The following SMAD3 variants were observed in gnomAD, a reference collection of about 807,000 sequenced individuals.
SMAD3 encodes MAD homolog 3.
Under a neutral mutation model 51.8 loss-of-function variants are expected in SMAD3, and 12 were observed. The ratio of observed to expected loss-of-function variants is 0.23; its 90% CI spans 0.15 to 0.38. SMAD3 has a LOEUF of 0.38. SMAD3 is among the 10% of genes least tolerant of loss of function. The pLI, the probability that SMAD3 is intolerant of heterozygous loss-of-function variation, is 1.00. For missense variants in SMAD3, 294 were observed against 565.6 expected (o/e 0.52, Z 4.87); for synonymous variants, 238 against 227.7 (o/e 1.05, Z -0.41).
chr15:67,185,398 A>T (rs977308067), intron 7 of SMAD3, among the ~76,000 whole-genome samples: 6 of 152,146 alleles, frequency 3.9e-5, no homozygotes, highest in Non-Finnish European at 8.8e-5. Flanking sequence ...CGGATCCTGA[A>T]GGATAGGTAG....
At chr15:67,067,633 C>T (rs1462527911) in intron 1 of SMAD3, among the ~76,000 whole-genome samples, 1 of 152,210 alleles carries the variant, frequency 6.6e-6, no homozygotes, top group Non-Finnish European at 1.5e-5. Context: ...CACAAAGCAA[C>T]ATCTGTCCAC....
At chr15:67,128,628 G>A (rs1351291139) in intron 1 of SMAD3, among the ~76,000 whole-genome samples, 1 of 152,104 alleles carries the variant, frequency 6.6e-6, no homozygotes, top group Non-Finnish European at 1.5e-5. Context: ...CTGGAGTGCA[G>A]TGGTATGATC....
In SMAD3 at chr15:67,164,969, G is replaced by T. The variant is rs1057518977; in HGVS notation, c.281G>T (p.Trp94Leu). ...PHVIYCRLWR[W>L]PDLHSHHELR... ...GTCATCTACTGCCGCCTGTGGCGATGGCCAGACCTGCACAGCCACCACGAG... is the reference window on the plus strand; with the variant it reads ...GTCATCTACTGCCGCCTGTGGCGATTGCCAGACCTGCACAGCCACCACGAG... Residue 94 changes from tryptophan to leucine, a missense_variant, in exon 2 of 9, where the codon TGG becomes TTG. Coordinates refer to ENST00000327367, the MANE Select transcript of SMAD3 (RefSeq NM_005902.4). 6.2e-7 allele frequency: 1 copy of T among 1,613,968 alleles called. No homozygotes were observed. The highest frequency in any genetic ancestry group is 8.5e-7 in the Non-Finnish European group (1 of 1,180,038).
At chr15:67,126,004 G>A in intron 1 of SMAD3, 1 of 984,710 alleles carries the variant, frequency 1.0e-6, no homozygotes, top group Admixed American at 6.1e-5. Context: ...ATCTTATTTG[G>A]CAGGGTGGGT....
chr15:67,129,767 A>G (rs918837067), intron 1 of SMAD3, among the ~76,000 whole-genome samples: 3 of 152,244 alleles, frequency 2.0e-5, no homozygotes, highest in African/African-American at 7.2e-5. Flanking sequence ...ACTTTAGCAT[A>G]TACTCAAATA....
chr15:67,079,460 C>T (rs1245834935), intron 1 of SMAD3, among the ~76,000 whole-genome samples: 1 of 152,098 alleles, frequency 6.6e-6, no homozygotes. Flanking sequence ...GCTCTGGTGC[C>T]TTGTACTAGA....
At chr15:67,148,955 A>G (rs1409215243) in intron 1 of SMAD3, among the ~76,000 whole-genome samples, 4 of 152,170 alleles carry the variant, frequency 2.6e-5, no homozygotes, top group Non-Finnish European at 5.9e-5. Flanking sequence ...CACAGTTGGG[A>G]AGGGAAGTCA....
chr15:67,139,739 T>C (rs1258621786), intron 1 of SMAD3, among the ~76,000 whole-genome samples: 1 of 152,190 alleles, frequency 6.6e-6, no homozygotes, highest in Non-Finnish European at 1.5e-5. Flanking sequence ...AGAATTATTA[T>C]TTCACCCTGA....
intron 1 of SMAD3, chr15:67,137,919 G>A (rs950616916): frequency 1.1e-5 from 8 of 756,428 alleles, no homozygotes; most frequent in African/African-American, 5.2e-5. Context: ...TTCTGTTAGC[G>A]ACAGAGAAAA....
intron 1 of SMAD3, among the ~76,000 whole-genome samples, chr15:67,085,285 G>A (rs1402300540): frequency 6.6e-6 from 1 of 152,158 alleles, no homozygotes; most frequent in Non-Finnish European, 1.5e-5. Flanking sequence ...GCAGGCCTGG[G>A]TTCTAGGTCT....
intron 1 of SMAD3, among the ~76,000 whole-genome samples, chr15:67,103,449 G>A (rs976684917): frequency 1.3e-5 from 2 of 152,244 alleles, no homozygotes; most frequent in African/African-American, 4.8e-5. Flanking sequence ...GCAAACATGA[G>A]TTATTCATGG....
chr15:67,151,142 A>G (rs1274373000), intron 1 of SMAD3, among the ~76,000 whole-genome samples: 2 of 151,652 alleles, frequency 1.3e-5, no homozygotes, highest in African/African-American at 4.8e-5. Context: ...TACAGACGTG[A>G]GCCACCACGC....
At chr15:67,167,785 C>T (rs1962631066) in intron 4 of SMAD3, among the ~76,000 whole-genome samples, 1 of 152,186 alleles carries the variant, frequency 6.6e-6, no homozygotes, top group Non-Finnish European at 1.5e-5. Flanking sequence ...CCCCAGCTGC[C>T]ACATAGAATG....
intron 1 of SMAD3, among the ~76,000 whole-genome samples, chr15:67,089,116 C>T (rs1470841983): frequency 2.6e-5 from 4 of 152,072 alleles, no homozygotes; most frequent in African/African-American, 7.2e-5. Context: ...CACACCTAGC[C>T]GCCTTCTCTT....
At chr15:67,156,600 G>T (rs1962289721) in intron 1 of SMAD3, among the ~76,000 whole-genome samples, 1 of 152,214 alleles carries the variant, frequency 6.6e-6, no homozygotes, top group Non-Finnish European at 1.5e-5. Context: ...AGTTAATTGG[G>T]AAAACTGGTG....
intron 1 of SMAD3, among the ~76,000 whole-genome samples, chr15:67,087,308 C>T (rs1452147786): frequency 6.6e-6 from 1 of 152,182 alleles, no homozygotes; most frequent in African/African-American, 2.4e-5. Flanking sequence ...CAGGAATACA[C>T]TTTCCTCTAG....
At chr15:67,159,831 A>G (rs1962379996) in intron 1 of SMAD3, among the ~76,000 whole-genome samples, 2 of 152,202 alleles carry the variant, frequency 1.3e-5, no homozygotes, top group Admixed American at 6.5e-5. Context: ...ATTTAGATTC[A>G]TTCATAGCGT....
chr15:67,168,619 C>G (rs1962656955), intron 4 of SMAD3, among the ~76,000 whole-genome samples: 1 of 152,156 alleles, frequency 6.6e-6, no homozygotes, highest in East Asian at 1.9e-4. Context: ...AAAGAGCAGC[C>G]CAGATTTCAC....
intron 3 of SMAD3, 55 bp downstream of exon 3, chr15:67,165,439 C>A: frequency 5.6e-6 from 9 of 1,601,398 alleles, no homozygotes; most frequent in Non-Finnish European, 7.7e-6. Flanking sequence ...CGGTCAGCCC[C>A]GACATCAGTC....
Sources: gnomAD v4.1 joint callset for allele counts (sites outside exome capture counted in the v4.1 genomes callset) on GRCh38, gnomAD v4.1.1 for gene constraint, MANE v1.5 for transcripts, NCBI Gene and HGNC (gene_info 2026-07-23, HGNC 2026-07-21) for gene names.